UPF2: variants seen among roughly 807,000 people sequenced by gnomAD.
UPF2 encodes the protein regulator of nonsense transcripts 2.
In UPF2, 17 loss-of-function variants were observed where a neutral mutation model predicts 141.4. That is an observed-to-expected ratio of 0.12 (90% confidence interval 0.08 to 0.18). The LOEUF is 0.18. Among genes scored for constraint, UPF2 ranks in the 10% least tolerant of loss-of-function variants. The pLI, the probability that UPF2 is intolerant of heterozygous loss-of-function variation, is 1.00. For missense variants in UPF2, 1,152 were observed against 1,515.9 expected, an observed-to-expected ratio of 0.76 and a Z score of 3.99; for synonymous variants, 540 against 498.0, an observed-to-expected ratio of 1.08 and a Z score of -1.12.
At chr10:11,923,587 A>C (rs1832673547) in intron 21 of UPF2, among the ~76,000 whole-genome samples, 1 of 151,596 alleles carries the variant, frequency 6.6e-6, no homozygotes. Context: ...AGGCTGAGGC[A>C]GAGAATTGCT....
At position 11,952,353 on chromosome 10, in the gene UPF2, G is replaced by A. The variant is rs149547577; in HGVS notation, c.2851-104C>T. ...GTTTCCCAGTTATAACTACTAAGCT[G>A]AAAGGTTATAAAAGACACTTACCAT... On this transcript the variant is annotated intron_variant, in intron 14 of 21. Coordinates refer to ENST00000357604, the MANE Select transcript of UPF2 (RefSeq NM_015542.4). 477 of 1,043,814 alleles carry A rather than the reference G, an allele frequency of 4.6e-4. 1 individual carries two copies. In the African/African-American group the frequency reaches 5.1e-3, roughly 11 times the overall value. The allele number at this position is 1,043,814 out of a possible 1,614,324, so 64.7% of individuals were successfully genotyped here.
At chr10:11,947,421 C>A (rs1833014507) in intron 16 of UPF2, among the ~76,000 whole-genome samples, 1 of 152,020 alleles carries the variant, frequency 6.6e-6, no homozygotes, top group South Asian at 2.1e-4. Flanking sequence ...TAATATCTAG[C>A]CAGTAATTTT....
intron 3 of UPF2, among the ~76,000 whole-genome samples, chr10:12,025,981 A>G (rs1025274515): frequency 6.6e-6 from 1 of 152,122 alleles, no homozygotes; most frequent in Non-Finnish European, 1.5e-5. Flanking sequence ...TTTTGTAGCA[A>G]TGGGGTTTCA....
chr10:12,017,942 T>G (rs1834253152), intron 3 of UPF2, among the ~76,000 whole-genome samples: 1 of 152,328 alleles, frequency 6.6e-6, no homozygotes, highest in Admixed American at 6.5e-5. Context: ...TTTTTAATGA[T>G]GTCTTACACC....
At chr10:12,035,543 G>T in intron 1 of UPF2, 102 bp from the exon 2 acceptor site, 1 of 1,249,114 alleles carries the variant, frequency 8.0e-7, no homozygotes, top group East Asian at 2.6e-5. Flanking sequence ...CTTGGCAATT[G>T]TAAAAGAGTA....
At chr10:12,021,156 T>C (rs190560017) in intron 3 of UPF2, among the ~76,000 whole-genome samples, 127 of 152,318 alleles carry the variant, frequency 8.3e-4, no homozygotes, top group African/African-American at 2.8e-3. Context: ...CATGTTATAT[T>C]GGGCAAGCCC....
chr10:12,007,158 T>A (rs925774230), intron 4 of UPF2, among the ~76,000 whole-genome samples: 1 of 152,170 alleles, frequency 6.6e-6, no homozygotes. Flanking sequence ...CTACAAGAAC[T>A]GACTCAGAAA....
At chr10:12,005,653 C>T (rs1834023214) in intron 4 of UPF2, among the ~76,000 whole-genome samples, 1 of 152,318 alleles carries the variant, frequency 6.6e-6, no homozygotes, top group Middle Eastern at 3.4e-3. Flanking sequence ...ACTGCAACCT[C>T]CACCTCCCAG....
chr10:12,026,781 T>C, intron 3 of UPF2: 1 of 395,748 alleles, frequency 2.5e-6, no homozygotes, highest in Non-Finnish European at 4.9e-6. Context: ...CCCCCACAAG[T>C]AGCTGGGATT....
At chr10:11,961,411 G>A (rs572310810) in intron 11 of UPF2, among the ~76,000 whole-genome samples, 6 of 151,960 alleles carry the variant, frequency 3.9e-5, no homozygotes, top group South Asian at 2.1e-4. Flanking sequence ...GAAGAACCAC[G>A]GGAAGAGCAC....
At chr10:11,932,203 T>G (rs1355709564) in intron 19 of UPF2, among the ~76,000 whole-genome samples, 1 of 151,760 alleles carries the variant, frequency 6.6e-6, no homozygotes, top group Non-Finnish European at 1.5e-5. Context: ...GAACTGGAAG[T>G]TGCAACTCTA....
intron 5 of UPF2, among the ~76,000 whole-genome samples, chr10:12,004,088 G>GA (rs1833996289): frequency 6.6e-6 from 1 of 152,114 alleles, no homozygotes; most frequent in African/African-American, 2.4e-5. Context: ...CCGGCATTCA[G>GA]AAACTCCCAC....
Position 12,035,210 on chromosome 10 carries a change from G to A in UPF2, c.214C>T (p.Arg72Cys), listed in dbSNP as rs761790852. 1.4e-5 allele frequency: 22 copies of A among 1,610,340 alleles called. No individual in the cohort carries two copies. Among genetic ancestry groups the A allele is most frequent in the South Asian group, 3.3e-5 (3 of 90,726 alleles). Residue 72 changes from arginine to cysteine, a missense_variant, in exon 2 of 22, where the codon CGC becomes TGC. This residue lies in a region of UPF2 where 145 missense variants were observed against 136.5 expected (regional missense o/e 1.06). Transcript: ENST00000357604. Reference protein sequence around the residue: ...DDKRKKEDKERKKKDEEKVKA... With the variant: ...DDKRKKEDKECKKKDEEKVKA... ...ACCTTTTCTTCGTCTTTTTTCTTGCGTTCCTTGTCTTCCTTTTTTCTCTTA... is the reference window on the plus strand; with the variant it reads ...ACCTTTTCTTCGTCTTTTTTCTTGCATTCCTTGTCTTCCTTTTTTCTCTTA...
At chr10:11,987,225 C>T (rs2131242787) in intron 8 of UPF2, among the ~76,000 whole-genome samples, 1 of 152,212 alleles carries the variant, frequency 6.6e-6, no homozygotes, top group Non-Finnish European at 1.5e-5. Context: ...GGTTTAACAC[C>T]TAGGTGATGA....
chr10:11,983,458 C>G (rs1016988914), intron 8 of UPF2, among the ~76,000 whole-genome samples: 1 of 152,044 alleles, frequency 6.6e-6, no homozygotes, highest in African/African-American at 2.4e-5. Flanking sequence ...CTGCAAGTTC[C>G]GCCTCCTGGG....
rs879883321 is a variant in UPF2 at position 11,983,929 on chromosome 10, C to CT, written c.1845-4765dup. Among the ~76,000 whole-genome samples, 736 of 148,100 alleles carry CT rather than the reference C, an allele frequency of 5.0e-3. 3 individuals carry two copies. Among genetic ancestry groups the CT allele is most frequent in the African/African-American group, 0.017 (691 of 40,714 alleles). On this transcript the variant is annotated intron_variant, in intron 8 of 21. Coordinates refer to ENST00000357604, the MANE Select transcript of UPF2 (RefSeq NM_015542.4). Reference sequence around the variant, plus strand: ...TATTTAAGATGAAATTAATTGATAACTTTTTTTTTTTGAGACGGAGTTTCG... The same window carrying CT: ...TATTTAAGATGAAATTAATTGATAACTTTTTTTTTTTTGAGACGGAGTTTCG...
chr10:11,962,495 T>G (rs909096053), intron 11 of UPF2, among the ~76,000 whole-genome samples: 1 of 152,036 alleles, frequency 6.6e-6, no homozygotes, highest in African/African-American at 2.4e-5. Context: ...TCCTAAAAAT[T>G]TTCATATAGC....
chr10:11,970,231 T>C (rs1346497297), intron 9 of UPF2, among the ~76,000 whole-genome samples: 1 of 152,186 alleles, frequency 6.6e-6, no homozygotes, highest in Non-Finnish European at 1.5e-5. Flanking sequence ...AAAAGAAGAT[T>C]ATACAACTTT....
At position 11,998,486 on chromosome 10, in the gene UPF2, G is replaced by A. The variant is rs2131261972; in HGVS notation, c.1759-729C>T. Among the ~76,000 whole-genome samples, 1 of 152,218 alleles carries A rather than the reference G, an allele frequency of 6.6e-6. No individual in the cohort carries two copies. Among genetic ancestry groups the A allele is most frequent in the African/African-American group, 2.4e-5 (1 of 41,540 alleles). On this transcript the variant is annotated intron_variant, in intron 7 of 21. Coordinates refer to ENST00000357604, the MANE Select transcript of UPF2 (RefSeq NM_015542.4). The surrounding 1 kb of genome is among the most constrained non-coding windows in gnomAD (Gnocchi z 4.5). Reference sequence around the variant, plus strand: ...CAGCCTTGCTCTGCCAGGCTCCAGGGATCCTCCTGCCTCAGCTCCCGGCCA... The same window carrying A: ...CAGCCTTGCTCTGCCAGGCTCCAGGAATCCTCCTGCCTCAGCTCCCGGCCA...
Sources: gnomAD v4.1 joint callset for allele counts (sites outside exome capture counted in the v4.1 genomes callset) on GRCh38, gnomAD v4.1.1 for gene constraint, gnomAD v4.1.1 regional missense constraint, Gnocchi (gnomAD v3.1) non-coding constraint, MANE v1.5 for transcripts, NCBI Gene and HGNC (gene_info 2026-07-23, HGNC 2026-07-21) for gene names.